PRDM16: variants seen among roughly 807,000 people sequenced by gnomAD.
The protein encoded by PRDM16 is PR/SET domain 16, also known as histone-lysine N-methyltransferase PRDM16.
Under a neutral mutation model 110.6 loss-of-function variants are expected in PRDM16, and 23 were observed. The observed-to-expected ratio is 0.21, with a 90% CI of 0.15 to 0.29. The LOEUF (loss-of-function observed/expected upper bound fraction) is 0.29, where lower values mean the gene tolerates loss of function less well. PRDM16 is among the 10% of genes least tolerant of loss of function. The probability of loss-of-function intolerance (pLI) is 1.00; values close to 1 mark genes in which losing one functional copy is unlikely to be tolerated. For missense variants in PRDM16, 1,615 were observed against 1,794.3 expected, an observed-to-expected ratio of 0.90 and a Z score of 1.81; for synonymous variants, 799 against 781.8, an observed-to-expected ratio of 1.02 and a Z score of -0.37.
chr1:3,324,540 G>A (rs1189769787), intron 3 of PRDM16, among the ~76,000 whole-genome samples: 5 of 152,136 alleles, frequency 3.3e-5, no homozygotes, highest in Non-Finnish European at 5.9e-5. Flanking sequence ...TCACAGGGAC[G>A]GAAGCCAGCA....
chr1:3,080,978 C>T lies in PRDM16; in HGVS notation c.37+11682C>T, dbSNP rs1189714202. 5.3e-5 allele frequency among the ~76,000 whole-genome samples: 8 copies of T among 151,970 alleles called. No individual in the cohort carries two copies. Among genetic ancestry groups the T allele is most frequent in the South Asian group, 4.2e-4 (2 of 4,806 alleles). On this transcript the variant is annotated intron_variant, in intron 1 of 16. Transcript: ENST00000270722. This position sits in a 1 kb window ranked among gnomAD's most constrained non-coding sequence, Gnocchi z 5.2. ...CGGGGCGGGGGGGGTCTGCACATTC[C>T]GCCGAGTGTCCTCATGAACAAAAGG...
At chr1:3,385,096 T>A in intron 3 of PRDM16, 56 bp from the exon 4 acceptor site, 1 of 1,606,116 alleles carries the variant, frequency 6.2e-7, no homozygotes, top group Non-Finnish European at 8.5e-7. Flanking sequence ...AGAGGCTGTG[T>A]GCAGACTCCA....
In PRDM16 at chr1:3,390,436, G is replaced by A. The variant is rs1016938351; in HGVS notation, c.573+5150G>A. On this transcript the variant is annotated intron_variant, in intron 4 of 16. Coordinates refer to ENST00000270722, the MANE Select transcript of PRDM16 (RefSeq NM_022114.4). The surrounding 1 kb of genome is among the most constrained non-coding windows in gnomAD (Gnocchi z 5.0). ...GAGAAGCAGCCCCAATCTGCATAGC[G>A]CCCTGGGGCTGCCTGGGCATCAGAC... Among the ~76,000 whole-genome samples, 6 of 152,166 alleles carry A rather than the reference G, an allele frequency of 3.9e-5. No homozygotes were observed. In the South Asian group the frequency reaches 6.2e-4, roughly 16 times the overall value.
intron 1 of PRDM16, among the ~76,000 whole-genome samples, chr1:3,184,375 C>T: frequency 6.6e-6 from 1 of 152,300 alleles, no homozygotes; most frequent in Non-Finnish European, 1.5e-5. Flanking sequence ...TCTGTTTCCG[C>T]AGCCAACGAC....
In PRDM16 at chr1:3,246,984, T is replaced by C. The variant is rs575100081; in HGVS notation, c.438+2847T>C. Among the ~76,000 whole-genome samples the C allele has an allele frequency of 2.0e-5, 3 of 152,240 alleles. No individual in the cohort carries two copies. Among genetic ancestry groups the C allele is most frequent in the East Asian group, 3.9e-4 (2 of 5,154 alleles). On this transcript the variant is annotated intron_variant, in intron 3 of 16. Transcript: ENST00000270722. This position sits in a 1 kb window ranked among gnomAD's most constrained non-coding sequence, Gnocchi z 5.2. ...CTTAGAGCTGTTGGTATAGGTGCGA[T>C]GTGTGGATTGCTGCCGTAACTGTGC...
intron 2 of PRDM16, among the ~76,000 whole-genome samples, chr1:3,194,726 C>T (rs1638419552): frequency 6.6e-6 from 1 of 152,120 alleles, no homozygotes; most frequent in South Asian, 2.1e-4. Context: ...CGTCTCCCCG[C>T]CACACGCCAC....
chr1:3,106,061 GGGGGCAGGCT>G (rs1158333785), intron 1 of PRDM16, among the ~76,000 whole-genome samples: 2 of 152,234 alleles, frequency 1.3e-5, no homozygotes, highest in Non-Finnish European at 2.9e-5. Flanking sequence ...GGGCTGAGAA[GGGGGCAGGCT>G]GGGGCCCGTC....
intron 3 of PRDM16, among the ~76,000 whole-genome samples, chr1:3,351,060 A>G (rs1163796683): frequency 6.6e-6 from 1 of 152,228 alleles, no homozygotes; most frequent in East Asian, 1.9e-4. Context: ...AGACAGGCCA[A>G]GAGATCCCCG....
intron 1 of PRDM16, among the ~76,000 whole-genome samples, chr1:3,109,613 A>C (rs979301712): frequency 6.6e-6 from 1 of 152,236 alleles, no homozygotes; most frequent in East Asian, 1.9e-4. Flanking sequence ...AGCAGCCCTT[A>C]GGGCTTTTCA....
At chr1:3,073,181 G>A (rs531430130) in intron 1 of PRDM16, among the ~76,000 whole-genome samples, 3 of 152,180 alleles carry the variant, frequency 2.0e-5, no homozygotes, top group African/African-American at 4.8e-5. Context: ...CATTTCTGCC[G>A]GGAGGCTGGG....
chr1:3,299,362 T>A (rs554454226), intron 3 of PRDM16, among the ~76,000 whole-genome samples: 127 of 94,114 alleles, frequency 1.3e-3, no homozygotes, highest in African/African-American at 3.9e-3. Flanking sequence ...GCTGTGGCTG[T>A]GATGTTTCAG....
chr1:3,071,122 C>A (rs866442112), intron 1 of PRDM16, among the ~76,000 whole-genome samples: 2 of 152,274 alleles, frequency 1.3e-5, no homozygotes, highest in Non-Finnish European at 2.9e-5. Context: ...GTCAGGCCCT[C>A]GCCCAGGATG....
intron 3 of PRDM16, among the ~76,000 whole-genome samples, chr1:3,374,399 CACA>C (rs1185800464): frequency 1.3e-5 from 2 of 152,222 alleles, no homozygotes; most frequent in Non-Finnish European, 2.9e-5. Context: ...ACAGTTTATA[CACA>C]ACTTTTCAGA....
chr1:3,350,809 A>T lies in PRDM16; in HGVS notation c.439-34343A>T, dbSNP rs892675118. Reference sequence around the variant, plus strand: ...GTGTTTTCCTCTTTCTGGGCCTCAAACTCTTTTTTGAGGCCAGGTGGGTGG... The same window carrying T: ...GTGTTTTCCTCTTTCTGGGCCTCAATCTCTTTTTTGAGGCCAGGTGGGTGG... On this transcript the variant is annotated intron_variant, in intron 3 of 16. Transcript: ENST00000270722. The surrounding 1 kb of genome is among the most constrained non-coding windows in gnomAD (Gnocchi z 7.1). Among the ~76,000 whole-genome samples, 12 of 151,124 alleles carry T rather than the reference A, an allele frequency of 7.9e-5. No individual in the cohort carries two copies. The highest frequency in any genetic ancestry group is 8.9e-5 in the Non-Finnish European group (6 of 67,748).
chr1:3,114,198 C>CGCACGCGCGCACAT (rs1642871811), intron 1 of PRDM16, among the ~76,000 whole-genome samples: 1 of 133,994 alleles, frequency 7.5e-6, no homozygotes. Flanking sequence ...CACACGCACA[C>CGCACGCGCGCACAT]GCACGCACAC....
intron 3 of PRDM16, among the ~76,000 whole-genome samples, chr1:3,354,189 G>A (rs1642548863): frequency 6.6e-6 from 1 of 152,224 alleles, no homozygotes; most frequent in Admixed American, 6.5e-5. Flanking sequence ...GCCGGGTGTG[G>A]CGGCTCAGGC....
chr1:3,417,909 C>T lies in PRDM16; in HGVS notation c.2773C>T (p.Leu925Phe). ...KADSGSSLQP[L>F]PHHPFNFRSP... ...GGACTCGGGCAGCTCCCTGCAGCCC[C>T]TCCCCCACCACCCCTTCAACTTCCG... The change falls in exon 11 of 17, where the codon CTC (leucine) becomes TTC (phenylalanine). Residue 925 changes from leucine (L) to phenylalanine (F), a missense_variant. Physicochemically the swap from Leu to Phe is conservative, Grantham distance 22. Transcript: ENST00000270722. 5.0e-6 allele frequency: 8 copies of T among 1,612,276 alleles called. No homozygotes were observed. The highest frequency in any genetic ancestry group is 6.8e-6 in the Non-Finnish European group (8 of 1,178,696).
At chr1:3,271,075 G>T (rs1640442437) in intron 3 of PRDM16, among the ~76,000 whole-genome samples, 1 of 152,190 alleles carries the variant, frequency 6.6e-6, no homozygotes, top group Admixed American at 6.5e-5. Flanking sequence ...CGGCCTGCCT[G>T]CCCCGCCACG....
intron 2 of PRDM16, among the ~76,000 whole-genome samples, chr1:3,240,038 AAGAGG>A (rs1317578311): frequency 1.8e-4 from 19 of 105,336 alleles, no homozygotes; most frequent in East Asian, 5.2e-4. Flanking sequence ...AGGAGAGGAG[AAGAGG>A]AGAGGAGAGG....
Sources: gnomAD v4.1 joint callset for allele counts (sites outside exome capture counted in the v4.1 genomes callset) on GRCh38, gnomAD v4.1.1 for gene constraint, Gnocchi (gnomAD v3.1) non-coding constraint, MANE v1.5 for transcripts, NCBI Gene and HGNC (gene_info 2026-07-23, HGNC 2026-07-21) for gene names.